RNF157: variants seen among roughly 807,000 people sequenced by gnomAD.
RNF157 encodes the protein ring finger protein 157, also known as E3 ubiquitin ligase RNF157.
Under a neutral mutation model 88.3 loss-of-function variants are expected in RNF157, and 55 were observed. The observed-to-expected ratio is 0.62, with a 90% CI of 0.50 to 0.78. RNF157 has a LOEUF of 0.78. Ranked by LOEUF, RNF157 falls within the 30% of genes least tolerant of loss-of-function variation. The pLI is 0.00. For synonymous variants in RNF157, 334 were observed against 341.2 expected (o/e 0.98, Z 0.23); for missense variants, 788 against 860.8 (o/e 0.92, Z 1.06).
chr17:76,183,751 TTTC>T (rs1598411351), intron 2 of RNF157, among the ~76,000 whole-genome samples: 2 of 152,226 alleles, frequency 1.3e-5, no homozygotes, highest in East Asian at 3.9e-4. Flanking sequence ...TATTCAATTA[TTTC>T]TTCATTTGTT....
In RNF157 at chr17:76,158,459, A is replaced by G; in HGVS notation, c.1347T>C (p.Asp449=). The G allele has an allele frequency of 1.2e-6, 2 of 1,612,898 alleles. No individual in the cohort carries two copies. Among genetic ancestry groups the G allele is most frequent in the South Asian group, 2.2e-5 (2 of 91,076 alleles). The change falls in exon 13 of 19, where the codon GAT becomes GAC. Residue 449 remains aspartate, a synonymous_variant. Transcript: ENST00000269391. ...TCTCCGACTCGCTGCAGGAATGCTCATCTTCCTCTTCATGCAGCACGGAAG... is the reference window on the plus strand; with the variant it reads ...TCTCCGACTCGCTGCAGGAATGCTCGTCTTCCTCTTCATGCAGCACGGAAG... ...QNSSVLHEEE[D]EHSCSESETQ... is the part of the protein sequence containing the mutation.
chr17:76,224,863 C>G (rs977451980), intron 1 of RNF157, among the ~76,000 whole-genome samples: 1 of 152,188 alleles, frequency 6.6e-6, no homozygotes, highest in Non-Finnish European at 1.5e-5. Context: ...TGCCCTAGAG[C>G]ATATTTTTAA....
At chr17:76,214,936 T>C (rs1056809177) in intron 1 of RNF157, among the ~76,000 whole-genome samples, 1 of 152,218 alleles carries the variant, frequency 6.6e-6, no homozygotes, top group East Asian at 1.9e-4. Context: ...ATTAAACGAA[T>C]GCCGCTTACC....
intron 17 of RNF157, chr17:76,152,694 C>T (rs907533583): frequency 2.1e-6 from 1 of 472,574 alleles, no homozygotes; most frequent in African/African-American, 2.0e-5. Context: ...CTGTCTGCTG[C>T]TCCCTAACAA....
At chr17:76,186,537 C>A (rs766215347) in intron 2 of RNF157, among the ~76,000 whole-genome samples, 10 of 151,678 alleles carry the variant, frequency 6.6e-5, no homozygotes, top group East Asian at 5.8e-4. Flanking sequence ...AACAAAAAAA[C>A]CCCAAAAAAA....
At position 76,146,536 on chromosome 17, in the gene RNF157, A is replaced by G. The variant is rs1456805825; in HGVS notation, c.1922-1183T>C. 1.0e-6 allele frequency: 1 copy of G among 985,278 alleles called. No individual in the cohort carries two copies. The allele number at this position is 985,278 out of a possible 1,614,324, so 61.0% of individuals were successfully genotyped here. A position where few individuals can be genotyped will look rare whatever the true frequency, so the allele number is the denominator to read the frequency against. ...GTCCCCTGGCTCCCTGGGGTAGGGA[A>G]GGCATGTCGTCCTCCGGACCCTGTG... is the stretch of plus-strand genomic sequence containing the variant. On this transcript the variant is annotated intron_variant, in intron 18 of 18. Transcript: ENST00000269391. This position sits in a 1 kb window ranked among gnomAD's most constrained non-coding sequence, Gnocchi z 4.2.
At chr17:76,194,613 G>A (rs1459908766) in intron 2 of RNF157, among the ~76,000 whole-genome samples, 1 of 152,188 alleles carries the variant, frequency 6.6e-6, no homozygotes, top group Non-Finnish European at 1.5e-5. Flanking sequence ...ATAATATACA[G>A]TACCAGACAC....
At chr17:76,225,687 G>T in intron 1 of RNF157, 2 of 1,268,232 alleles carry the variant, frequency 1.6e-6, no homozygotes, top group East Asian at 2.7e-5. Context: ...ATAATTTATT[G>T]GAACACACAG....
chr17:76,166,596 A>C, intron 5 of RNF157, 69 bp from the exon 6 acceptor site: 22 of 1,226,942 alleles, frequency 1.8e-5, no homozygotes, highest in Non-Finnish European at 2.6e-5. Context: ...AGCTAATCTC[A>C]GAAAGGGCGA....
intron 1 of RNF157, among the ~76,000 whole-genome samples, chr17:76,219,025 C>CTATCAA (rs1306551754): frequency 6.6e-6 from 1 of 151,924 alleles, no homozygotes; most frequent in Non-Finnish European, 1.5e-5. Context: ...AGAGAAAAAG[C>CTATCAA]AGAATATGTT....
Position 76,198,905 on chromosome 17 carries a change from T to C in RNF157, c.207+13459A>G, listed in dbSNP as rs1598423650. On this transcript the variant is annotated intron_variant, in intron 2 of 18. Transcript: ENST00000269391. The stretch of plus-strand genomic sequence containing the variant: ...CCACACCTGCTTATGCTGAATCACC[T>C]GCAGTGCACACACCGTCTGTTGGTG... 2.0e-5 allele frequency among the ~76,000 whole-genome samples: 3 copies of C among 152,328 alleles called. No homozygotes were observed. In the South Asian group the frequency reaches 6.2e-4, roughly 32 times the overall value.
At chr17:76,151,719 A>G (rs1429555128) in intron 18 of RNF157, among the ~76,000 whole-genome samples, 3 of 152,214 alleles carry the variant, frequency 2.0e-5, no homozygotes, top group Non-Finnish European at 4.4e-5. Context: ...TAGCATCATG[A>G]GGAGGAATAA....
rs374951119 is a variant in RNF157 at position 76,187,362 on chromosome 17, T to C, written c.208-13572A>G. Among the ~76,000 whole-genome samples the C allele has an allele frequency of 2.1e-4, 32 of 151,008 alleles. No homozygotes were observed. The East Asian group carries it at 5.6e-3, about 26-fold the overall frequency. On this transcript the variant is annotated intron_variant, in intron 2 of 18. Transcript: ENST00000269391. Reference sequence around the variant, plus strand: ...CCATGCCCAGCTAATTTTTTGTATTTTGAGTAGAGATGGGGGTTTCATCAT... The same window carrying C: ...CCATGCCCAGCTAATTTTTTGTATTCTGAGTAGAGATGGGGGTTTCATCAT...
chr17:76,171,699 C>A (rs996900276), intron 3 of RNF157, among the ~76,000 whole-genome samples: 15 of 152,140 alleles, frequency 9.9e-5, no homozygotes, highest in African/African-American at 3.6e-4. Flanking sequence ...TTTTGACAAC[C>A]ACCATGAAAG....
Position 76,154,174 on chromosome 17 carries a change from C to T in RNF157, c.1810+109G>A, listed in dbSNP as rs568316856. The T allele has an allele frequency of 3.4e-5, 27 of 805,656 alleles. No homozygotes were observed. In the South Asian group the frequency reaches 3.7e-4, roughly 11 times the overall value. 49.9% of individuals were successfully genotyped at this position (805,656 alleles called of 1,614,324 possible). A position where few individuals can be genotyped will look rare whatever the true frequency, so the allele number is the denominator to read the frequency against. ...CGATCTTTCCTCTAACAGCCCCATA[C>T]AACTGAGCAGCGCCACCACGTCATA... On this transcript the variant is annotated intron_variant, in intron 17 of 18. Transcript: ENST00000269391.
In RNF157 at chr17:76,146,281, A is replaced by G; in HGVS notation, c.1922-928T>C. 1 of 913,716 alleles carries G rather than the reference A, an allele frequency of 1.1e-6. No individual in the cohort carries two copies. The highest frequency in any genetic ancestry group is 1.3e-6 in the Non-Finnish European group (1 of 764,402). The allele number at this position is 913,716 out of a possible 1,614,324, so 56.6% of individuals were successfully genotyped here. ...GGTTTTCTCACCCATCAGATGGGAC[A>G]TGCGTACTGACCTCACGGGCTTGCT... is the stretch of plus-strand genomic sequence containing the variant. On this transcript the variant is annotated intron_variant, in intron 18 of 18. Coordinates refer to ENST00000269391, the MANE Select transcript of RNF157 (RefSeq NM_052916.3). The surrounding 1 kb of genome is among the most constrained non-coding windows in gnomAD (Gnocchi z 4.2).
intron 1 of RNF157, among the ~76,000 whole-genome samples, 178 bp from the exon 2 acceptor site, chr17:76,212,660 G>C (rs556484819): frequency 6.6e-6 from 1 of 151,750 alleles, no homozygotes; most frequent in African/African-American, 2.4e-5. Flanking sequence ...TAAGGAGTTC[G>C]AGACCAGCCT....
intron 2 of RNF157, among the ~76,000 whole-genome samples, chr17:76,185,788 G>A (rs549711031): frequency 4.6e-5 from 7 of 151,998 alleles, no homozygotes; most frequent in Non-Finnish European, 7.4e-5. Flanking sequence ...CCTTTCACAC[G>A]AGCAACCCAT....
intron 2 of RNF157, among the ~76,000 whole-genome samples, chr17:76,181,269 G>T (rs1310357096): frequency 6.6e-6 from 1 of 152,166 alleles, no homozygotes; most frequent in Non-Finnish European, 1.5e-5. Context: ...TTCTGTGAAG[G>T]TTCTGGAAGC....
Sources: gnomAD v4.1 joint callset for allele counts (sites outside exome capture counted in the v4.1 genomes callset) on GRCh38, gnomAD v4.1.1 for gene constraint, Gnocchi (gnomAD v3.1) non-coding constraint, MANE v1.5 for transcripts, NCBI Gene and HGNC (gene_info 2026-07-23, HGNC 2026-07-21) for gene names.